The following IQSEC1 variants were observed in gnomAD, a reference collection of about 807,000 sequenced individuals.
The protein encoded by IQSEC1 is IQ motif and SEC7 domain-containing protein 1.
Under a neutral mutation model 91.0 loss-of-function variants are expected in IQSEC1, and 31 were observed. That is an observed-to-expected ratio of 0.34 (90% CI 0.26 to 0.46). IQSEC1 has a LOEUF of 0.46. Among genes scored for constraint, IQSEC1 ranks in the 20% least tolerant of loss-of-function variants. The pLI, the probability that IQSEC1 is intolerant of heterozygous loss-of-function variation, is 1.00. For missense variants in IQSEC1, 1,388 were observed against 1,575.6 expected, an observed-to-expected ratio of 0.88 and a Z score of 2.02; for synonymous variants, 699 against 662.6, an observed-to-expected ratio of 1.05 and a Z score of -0.84.
chr3:12,908,532 C>A lies in IQSEC1; in HGVS notation c.2579-7G>T, dbSNP rs1695234492. 1.2e-6 allele frequency: 2 copies of A among 1,613,440 alleles called. No homozygotes were observed. Among genetic ancestry groups the A allele is most frequent in the East Asian group, 2.2e-5 (1 of 44,884 alleles). On this transcript the variant is annotated splice_polypyrimidine_tract_variant and splice_region_variant and intron_variant, in intron 11 of 13. Coordinates refer to ENST00000613206, the MANE Select transcript of IQSEC1 (RefSeq NM_001134382.3). The surrounding 1 kb of genome is among the most constrained non-coding windows in gnomAD (Gnocchi z 4.9). ...TTCTGCTTCTCGAGCTCCGCTGGAA[C>A]AGAGAGGGTGAGGGTCCTGGTGAGA...
At chr3:13,012,020 G>GGCACCACC (rs1197506876) in intron 1 of IQSEC1, among the ~76,000 whole-genome samples, 1 of 152,208 alleles carries the variant, frequency 6.6e-6, no homozygotes, top group African/African-American at 2.4e-5. Flanking sequence ...GTGGGCATGA[G>GGCACCACC]GCACCACCAG....
At chr3:13,271,104 G>A (rs757329372) in intron 1 of IQSEC1, among the ~76,000 whole-genome samples, 2 of 152,178 alleles carry the variant, frequency 1.3e-5, no homozygotes, top group Non-Finnish European at 2.9e-5. Flanking sequence ...AGGGCTGGGC[G>A]TGGTGGCTCA....
intron 12 of IQSEC1, among the ~76,000 whole-genome samples, chr3:12,906,702 T>C (rs1364709656): frequency 6.6e-6 from 1 of 152,208 alleles, no homozygotes; most frequent in Non-Finnish European, 1.5e-5. Flanking sequence ...CACGTGGCTG[T>C]CCAACCCCCA....
chr3:13,100,170 T>C (rs1217733026), intron 2 of IQSEC1, among the ~76,000 whole-genome samples: 1 of 147,804 alleles, frequency 6.8e-6, no homozygotes, highest in African/African-American at 2.6e-5. Flanking sequence ...AGAGACTCCG[T>C]GGTCCTAACC....
intron 1 of IQSEC1, among the ~76,000 whole-genome samples, chr3:13,044,860 C>T (rs1325777780): frequency 1.3e-5 from 2 of 152,272 alleles, no homozygotes; most frequent in Admixed American, 6.5e-5. Context: ...CAGAAGCTTG[C>T]CCCCAGCAGC....
intron 1 of IQSEC1, among the ~76,000 whole-genome samples, chr3:13,278,072 C>T (rs1021247178): frequency 6.6e-6 from 1 of 152,324 alleles, no homozygotes; most frequent in Middle Eastern, 3.4e-3. Context: ...TTAATGTCAC[C>T]ATGAACCCGG....
intron 1 of IQSEC1, among the ~76,000 whole-genome samples, chr3:13,059,657 G>A (rs1460203796): frequency 1.3e-5 from 2 of 152,166 alleles, no homozygotes; most frequent in African/African-American, 2.4e-5. Flanking sequence ...AGGCTGAGGT[G>A]GGAGGATCAC....
Position 12,908,204 on chromosome 3 carries a change from G to T in IQSEC1, c.2755+145C>A. On this transcript the variant is annotated intron_variant, in intron 12 of 13. Transcript: ENST00000613206. The surrounding 1 kb of genome is among the most constrained non-coding windows in gnomAD (Gnocchi z 4.9). ...GCGCCCTTTCTGTATGTCACACGCT[G>T]CTCTGCTTTGCGGAAGGTCAGGGGA... The T allele has an allele frequency of 1.3e-6, 1 of 794,450 alleles. No homozygotes were observed. The highest frequency in any genetic ancestry group is 2.0e-6 in the Non-Finnish European group (1 of 508,828). 49.2% of individuals were successfully genotyped at this position (794,450 alleles called of 1,614,324 possible).
At chr3:13,043,913 G>T (rs1334717554) in intron 1 of IQSEC1, among the ~76,000 whole-genome samples, 1 of 152,198 alleles carries the variant, frequency 6.6e-6, no homozygotes, top group East Asian at 1.9e-4. Context: ...CTCAGATGAG[G>T]AAACAGAGGC....
chr3:12,924,666 G>A lies in IQSEC1; in HGVS notation c.1645C>T (p.Leu549=), dbSNP rs1431779672. 6.2e-7 allele frequency: 1 copy of A among 1,610,864 alleles called. No individual in the cohort carries two copies. The highest frequency in any genetic ancestry group is 1.7e-5 in the Admixed American group (1 of 59,658). ...CGGCTGAGGCCCTTGCGCTGCAGCAGGAAGTGGGCCACCCCGACGGGCGTG... is the reference window on the plus strand; with the variant it reads ...CGGCTGAGGCCCTTGCGCTGCAGCAAGAAGTGGGCCACCCCGACGGGCGTG... ...PDTPVGVAHF[L]LQRKGLSRQM... Residue 549 remains leucine (L), a synonymous_variant, in exon 4 of 14, where the codon CTG becomes TTG. Coordinates refer to ENST00000613206, the MANE Select transcript of IQSEC1 (RefSeq NM_001134382.3). This position sits in a 1 kb window ranked among gnomAD's most constrained non-coding sequence, Gnocchi z 6.3.
chr3:13,184,643 A>G (rs1414153947), intron 1 of IQSEC1, among the ~76,000 whole-genome samples: 1 of 152,240 alleles, frequency 6.6e-6, no homozygotes, highest in African/African-American at 2.4e-5. Flanking sequence ...AGATTGGAAA[A>G]GAAGAACCAG....
At chr3:13,194,412 G>A (rs910071986) in intron 1 of IQSEC1, among the ~76,000 whole-genome samples, 4 of 152,090 alleles carry the variant, frequency 2.6e-5, no homozygotes, top group Admixed American at 6.5e-5. Context: ...TGGGGACACC[G>A]CCTGTCCCCT....
chr3:13,272,564 G>A (rs777473034), intron 1 of IQSEC1, among the ~76,000 whole-genome samples: 16 of 152,308 alleles, frequency 1.1e-4, no homozygotes, highest in Non-Finnish European at 1.6e-4. Context: ...GGGCAAGCAG[G>A]CCAACCTAGG....
intron 1 of IQSEC1, among the ~76,000 whole-genome samples, chr3:13,250,603 A>ATTTATTTTATTTTAT (rs201541847): frequency 1.2e-4 from 16 of 134,790 alleles, no homozygotes; most frequent in East Asian, 1.0e-3. Context: ...CACCCAGATA[A>ATTTATTTTATTTTAT]TTTATTTTAT....
chr3:13,270,517 T>A (rs984219059), intron 1 of IQSEC1, among the ~76,000 whole-genome samples: 1 of 152,242 alleles, frequency 6.6e-6, no homozygotes, highest in Non-Finnish European at 1.5e-5. Context: ...GGCCTGCCAC[T>A]TTCTGGGCTT....
At chr3:13,086,215 T>C (rs557965991) in intron 2 of IQSEC1, among the ~76,000 whole-genome samples, 352 of 152,246 alleles carry the variant, frequency 2.3e-3, no homozygotes, top group African/African-American at 8.3e-3. Context: ...TTAGTTCCTA[T>C]ATGGAAAATG....
At chr3:12,939,681 C>G (rs570481613) in intron 2 of IQSEC1, among the ~76,000 whole-genome samples, 2 of 152,288 alleles carry the variant, frequency 1.3e-5, no homozygotes, top group Non-Finnish European at 2.9e-5. Context: ...GCCTTCCTTT[C>G]CATTTCACAC....
intron 1 of IQSEC1, among the ~76,000 whole-genome samples, chr3:13,215,828 T>C (rs1361457580): frequency 6.6e-6 from 1 of 152,194 alleles, no homozygotes; most frequent in Non-Finnish European, 1.5e-5. Context: ...AGAGCCCGTT[T>C]CTCAAACGTC....
At chr3:12,938,391 G>C (rs1698422279) in intron 2 of IQSEC1, among the ~76,000 whole-genome samples, 1 of 152,184 alleles carries the variant, frequency 6.6e-6, no homozygotes, top group South Asian at 2.1e-4. Context: ...CTGGCTCAGG[G>C]CCACGCAGGG....
Sources: allele counts gnomAD v4.1 joint callset (sites outside exome capture counted in the v4.1 genomes callset), GRCh38; gene constraint gnomAD v4.1.1; non-coding constraint Gnocchi (gnomAD v3.1); transcripts MANE v1.5; gene names NCBI Gene and HGNC (gene_info 2026-07-23, HGNC 2026-07-21).